The following SPTAN1 variants were observed in gnomAD, a reference collection of about 807,000 sequenced individuals.
SPTAN1 encodes the protein spectrin alpha chain, non-erythrocytic 1.
Under a neutral mutation model 331.3 loss-of-function variants are expected in SPTAN1, and 61 were observed. That is an observed-to-expected ratio of 0.18 (90% CI 0.15 to 0.23). The LOEUF is 0.23. SPTAN1 is among the 10% of genes least tolerant of loss of function. The probability of loss-of-function intolerance (pLI) is 1.00; values close to 1 mark genes in which losing one functional copy is unlikely to be tolerated. For synonymous variants in SPTAN1, 1,153 were observed against 1,173.9 expected (o/e 0.98, Z 0.36); for missense variants, 2,043 against 3,147.9 (o/e 0.65, Z 8.40).
At chr9:128,574,844 G>A in intron 4 of SPTAN1, 29 bp downstream of exon 4, 1 of 1,613,894 alleles carries the variant, frequency 6.2e-7, no homozygotes, top group Non-Finnish European at 8.5e-7. Flanking sequence ...GGTTTGCTAA[G>A]CTTTACTCAA....
chr9:128,616,595 C>G (rs917273949), intron 41 of SPTAN1, among the ~76,000 whole-genome samples: 1 of 150,546 alleles, frequency 6.6e-6, no homozygotes, highest in Non-Finnish European at 1.5e-5. Context: ...GGTGAAACCC[C>G]GTCTCTACTA....
Position 128,624,229 on chromosome 9 carries a change from G to A in SPTAN1, c.5833-99G>A, listed in dbSNP as rs1281582504. 4.8e-6 allele frequency: 7 copies of A among 1,443,992 alleles called. No homozygotes were observed. In the East Asian group the frequency reaches 1.6e-4, roughly 34 times the overall value. 89.4% of individuals were successfully genotyped at this position (1,443,992 alleles called of 1,614,324 possible). ...CCCAGCAGTGGACAGGGGAGCAAGT[G>A]GCCCATTTTATAGAAGTTTAGAGCC... On this transcript the variant is annotated intron_variant, in intron 45 of 56. Transcript: ENST00000372739.
chr9:128,571,062 A>T (rs1564201199), intron 3 of SPTAN1, among the ~76,000 whole-genome samples: 1 of 152,194 alleles, frequency 6.6e-6, no homozygotes, highest in Non-Finnish European at 1.5e-5. Context: ...CTGAGGCAAG[A>T]GGATCACTTG....
In SPTAN1 at chr9:128,619,196, T is replaced by C. The variant is rs570772614; in HGVS notation, c.5733+193T>C. On this transcript the variant is annotated intron_variant, in intron 44 of 56. Coordinates refer to ENST00000372739, the MANE Select transcript of SPTAN1 (RefSeq NM_001130438.3). ...GGACATCACCCTTCAGTAAACAAAA[T>C]TGGTATGGCTTTGTCAGTCTCAGTT... 1.8e-3 allele frequency among the ~76,000 whole-genome samples: 275 copies of C among 152,254 alleles called. 1 individual carries two copies. The highest frequency in any genetic ancestry group is 5.5e-3 in the African/African-American group (229 of 41,556).
intron 37 of SPTAN1, among the ~76,000 whole-genome samples, chr9:128,610,016 C>G (rs1856394560): frequency 6.6e-6 from 1 of 152,154 alleles, no homozygotes; most frequent in Admixed American, 6.5e-5. Flanking sequence ...TAGACATTGG[C>G]TCAGACTTGC....
Position 128,625,670 on chromosome 9 carries a change from T to C in SPTAN1, c.6070-99T>C, listed in dbSNP as rs1336707510. 1 of 1,135,806 alleles carries C rather than the reference T, an allele frequency of 8.8e-7. No individual in the cohort carries two copies. The highest frequency in any genetic ancestry group is 1.2e-5 in the South Asian group (1 of 80,760). 70.4% of individuals were successfully genotyped at this position (1,135,806 alleles called of 1,614,324 possible). A position where few individuals can be genotyped will look rare whatever the true frequency, so the allele number is the denominator to read the frequency against. Reference sequence around the variant, plus strand: ...GCAGTGTCCAGGTGGACAGTTTGGCTTGGGCATCTGGGGGACATGCTGGTG... The same window carrying C: ...GCAGTGTCCAGGTGGACAGTTTGGCCTGGGCATCTGGGGGACATGCTGGTG... On this transcript the variant is annotated intron_variant, in intron 47 of 56. Coordinates refer to ENST00000372739, the MANE Select transcript of SPTAN1 (RefSeq NM_001130438.3). The surrounding 1 kb of genome is among the most constrained non-coding windows in gnomAD (Gnocchi z 4.1).
intron 3 of SPTAN1, 133 bp downstream of exon 3, chr9:128,569,030 A>C: frequency 7.9e-7 from 1 of 1,271,356 alleles, no homozygotes; most frequent in Non-Finnish European, 1.1e-6. Flanking sequence ...AAGTCTCCTT[A>C]AGAAGTTACC....
chr9:128,611,342 C>T (rs1371460421), intron 37 of SPTAN1, among the ~76,000 whole-genome samples: 1 of 152,058 alleles, frequency 6.6e-6, no homozygotes, highest in East Asian at 1.9e-4. Flanking sequence ...TGATGTCATG[C>T]ACCCATGGTC....
In SPTAN1 at chr9:128,600,084, A is replaced by C. The variant is rs746548283; in HGVS notation, c.3548A>C (p.Glu1183Ala). The C allele has an allele frequency of 2.5e-6, 4 of 1,614,230 alleles. No individual in the cohort carries two copies. Among genetic ancestry groups the C allele is most frequent in the Admixed American group, 3.3e-5 (2 of 60,024 alleles). Residue 1183 changes from glutamate to alanine, a missense_variant, in exon 27 of 57, where the codon GAA (glutamate) becomes GCA (alanine). By Grantham distance (107) the Glu-to-Ala change is moderately radical (BLOSUM62 -1). Coordinates refer to ENST00000372739, the MANE Select transcript of SPTAN1 (RefSeq NM_001130438.3). ...AATTCCTCTTTCTTTGAATAGGATG[A>C]AACTGATTCCAAGACAGCCTCCCCG... is the stretch of plus-strand genomic sequence containing the variant. ...QEVYGMMPRDETDSKTASPWK... is the reference protein window; with the variant it reads ...QEVYGMMPRDATDSKTASPWK...
chr9:128,609,018 A>G (rs1205869244), intron 35 of SPTAN1, 41 bp downstream of exon 35: 3 of 1,608,804 alleles, frequency 1.9e-6, no homozygotes. Context: ...CAGCCCTGAG[A>G]GGATGCATCC....
At chr9:128,587,564 T>G (rs778853648) in intron 19 of SPTAN1, 42 bp from the exon 20 acceptor site, 1 of 1,573,072 alleles carries the variant, frequency 6.4e-7, no homozygotes, top group South Asian at 1.1e-5. Context: ...GATGGGAGGC[T>G]TCAGCCCCTG....
At chr9:128,623,622 A>AT (rs777632874) in intron 45 of SPTAN1, among the ~76,000 whole-genome samples, 10,657 of 117,086 alleles carry the variant, frequency 0.091, 652 homozygotes, top group Middle Eastern at 0.16. Flanking sequence ...AACCTGGCTA[A>AT]TTTTTTTTTT....
chr9:128,628,260 C>T (rs1012780037), intron 51 of SPTAN1: 42 of 492,150 alleles, frequency 8.5e-5, no homozygotes, highest in East Asian at 3.7e-4. Flanking sequence ...TAAGAACCCC[C>T]GTGCCTGTCC....
In SPTAN1 at chr9:128,625,280, G is replaced by A. The variant is rs1858559376; in HGVS notation, c.6069+101G>A. ...AGGCATTTATCTTCTGTTAGCCCCT[G>A]GGGATCAGCAGGAAAAAGATCCTGT... On this transcript the variant is annotated intron_variant, in intron 47 of 56. Transcript: ENST00000372739. The surrounding 1 kb of genome is among the most constrained non-coding windows in gnomAD (Gnocchi z 4.1). The A allele has an allele frequency of 9.8e-6, 12 of 1,223,060 alleles. No individual in the cohort carries two copies. Among genetic ancestry groups the A allele is most frequent in the Non-Finnish European group, 1.3e-5 (11 of 840,558 alleles). The allele number at this position is 1,223,060 out of a possible 1,614,324, so 75.8% of individuals were successfully genotyped here.
Position 128,582,869 on chromosome 9 carries a change from G to A in SPTAN1, c.1806+20G>A. 6.2e-7 allele frequency: 1 copy of A among 1,611,160 alleles called. No homozygotes were observed. The highest frequency in any genetic ancestry group is 8.5e-7 in the Non-Finnish European group (1 of 1,179,916). On this transcript the variant is annotated intron_variant, in intron 14 of 56. Coordinates refer to ENST00000372739, the MANE Select transcript of SPTAN1 (RefSeq NM_001130438.3). ...TATAAAGTAATGTACTGTTAGTGTT[G>A]CCATGTAGCACTCGATTAGTAAGCT... is the stretch of plus-strand genomic sequence containing the variant.
At chr9:128,597,796 G>A (rs1024790975) in intron 24 of SPTAN1, among the ~76,000 whole-genome samples, 8 of 149,256 alleles carry the variant, frequency 5.4e-5, no homozygotes, top group African/African-American at 2.0e-4. Flanking sequence ...GATTACAGGC[G>A]CCTGCCACCG....
chr9:128,580,088 G>T (rs929799360), intron 10 of SPTAN1, among the ~76,000 whole-genome samples: 3 of 151,992 alleles, frequency 2.0e-5, no homozygotes, highest in African/African-American at 7.3e-5. Flanking sequence ...CAAGGCAGGA[G>T]GATTGCTTGA....
rs750230911 is a variant in SPTAN1, at chr9:128,619,052, C to T, written c.5733+49C>T. The T allele has an allele frequency of 3.7e-6, 6 of 1,611,840 alleles. No individual in the cohort carries two copies. The East Asian group carries it at 1.3e-4, about 36-fold the overall frequency. ...ACCTGCTTTCTCTCTTGGCAACTGC[C>T]TGCTGGTCATCATTTCCCTGTTGGT... On this transcript the variant is annotated intron_variant, in intron 44 of 56. Coordinates refer to ENST00000372739, the MANE Select transcript of SPTAN1 (RefSeq NM_001130438.3).
rs1857521837 is a variant in SPTAN1, at chr9:128,618,983, G to A, written c.5713G>A (p.Asp1905Asn). Residue 1905 changes from aspartate (D) to asparagine (N), a missense_variant, in exon 44 of 57, where the codon GAC becomes AAC. Physicochemically the swap from Asp to Asn is conservative, Grantham distance 23. Around this residue, in one of 12 missense-constraint regions of SPTAN1, gnomAD observed 323 missense variants for 581.1 expected, o/e 0.56. Coordinates refer to ENST00000372739, the MANE Select transcript of SPTAN1 (RefSeq NM_001130438.3). ...CCTGGTGGCCAGCGAAGATTATGGC[G>A]ACACTCTTGCCGCCATCCAGGTGAG... ...MTLVASEDYG[D>N]TLAAIQGLLK... 1 of 1,613,920 alleles carries A rather than the reference G, an allele frequency of 6.2e-7. No individual in the cohort carries two copies. The highest frequency in any genetic ancestry group is 8.5e-7 in the Non-Finnish European group (1 of 1,179,902).
Sources: gnomAD v4.1 joint callset for allele counts (sites outside exome capture counted in the v4.1 genomes callset) on GRCh38, gnomAD v4.1.1 for gene constraint, gnomAD v4.1.1 regional missense constraint, Gnocchi (gnomAD v3.1) non-coding constraint, MANE v1.5 for transcripts, NCBI Gene and HGNC (gene_info 2026-07-23, HGNC 2026-07-21) for gene names.